WDR72: variants seen among roughly 807,000 people sequenced by gnomAD.
WDR72 encodes the protein WD repeat-containing protein 72.
In WDR72, 120 loss-of-function variants were observed where a neutral mutation model predicts 124.2. The observed-to-expected ratio is 0.97, with a 90% confidence interval of 0.83 to 1.12. WDR72 has a LOEUF of 1.12. Ranked by LOEUF, WDR72 falls within the 50% of genes most tolerant of loss-of-function variation. The pLI is 0.00. For synonymous variants in WDR72, 452 were observed against 441.7 expected (o/e 1.02, Z -0.29); for missense variants, 1,387 against 1,278.8 (o/e 1.08, Z -1.29).
rs183463074 is a variant in WDR72 at position 53,682,269 on chromosome 15, T to C, written c.1766-16501A>G. On this transcript the variant is annotated intron_variant, in intron 13 of 19. Transcript: ENST00000360509. ...ATAATTTCACCAAAGTGGAGATCCA[T>C]GTTCACCACATGGAACTAAAGACGA... is the stretch of plus-strand genomic sequence containing the variant. Among the ~76,000 whole-genome samples, 5 of 151,670 alleles carry C rather than the reference T, an allele frequency of 3.3e-5. No homozygotes were observed. In the East Asian group the frequency reaches 9.7e-4, roughly 29 times the overall value.
At chr15:53,680,823 TC>T (rs1448152640) in intron 13 of WDR72, among the ~76,000 whole-genome samples, 6 of 152,106 alleles carry the variant, frequency 3.9e-5, no homozygotes, top group African/African-American at 9.7e-5. Context: ...AGCATATGGG[TC>T]TCAGTGGAAT....
At chr15:53,544,009 G>T (rs925194739) in intron 18 of WDR72, among the ~76,000 whole-genome samples, 8 of 151,004 alleles carry the variant, frequency 5.3e-5, no homozygotes, top group African/African-American at 1.7e-4. Flanking sequence ...TGAAATTGTG[G>T]CAATAATCAA....
chr15:53,618,241 T>C (rs1030978345), intron 14 of WDR72, among the ~76,000 whole-genome samples: 1 of 151,996 alleles, frequency 6.6e-6, no homozygotes, highest in Admixed American at 6.6e-5. Flanking sequence ...CTTAAATATG[T>C]ATTCCTATTT....
At chr15:53,603,306 C>T (rs542129284) in intron 17 of WDR72, among the ~76,000 whole-genome samples, 1 of 152,146 alleles carries the variant, frequency 6.6e-6, no homozygotes, top group African/African-American at 2.4e-5. Context: ...GTTAAAAACT[C>T]TCAATAAAGA....
chr15:53,597,205 G>C lies in WDR72; in HGVS notation c.3022C>G (p.Pro1008Ala). The change falls in exon 18 of 20, where the codon CCC becomes GCC. Residue 1008 changes from proline (P) to alanine (A), a missense_variant. Transcript: ENST00000360509. ...ATGGACACTGGTTGACTATTGACGG[G>C]TATCTTTCCCAAACTCTTCATGTGT... ...QQHMKSLGKI[P>A]VNSQPVSMAE... 6.2e-7 allele frequency: 1 copy of C among 1,613,760 alleles called. No homozygotes were observed. Among genetic ancestry groups the C allele is most frequent in the Non-Finnish European group, 8.5e-7 (1 of 1,179,858 alleles).
intron 13 of WDR72, among the ~76,000 whole-genome samples, chr15:53,699,188 T>C (rs1440823789): frequency 6.6e-6 from 1 of 152,220 alleles, no homozygotes; most frequent in Non-Finnish European, 1.5e-5. Context: ...CAGCATTTTC[T>C]GGAATGTATT....
At chr15:53,683,332 G>A (rs2016467665) in intron 13 of WDR72, among the ~76,000 whole-genome samples, 1 of 152,082 alleles carries the variant, frequency 6.6e-6, no homozygotes, top group Non-Finnish European at 1.5e-5. Context: ...GTAGCTAGAA[G>A]AGATAATCTG....
upstream of WDR72, among the ~76,000 whole-genome samples, chr15:53,761,370 C>T (rs1345902094): frequency 3.3e-5 from 5 of 152,000 alleles, no homozygotes; most frequent in Non-Finnish European, 5.9e-5. Flanking sequence ...TTGTTGGTGG[C>T]AATATAAATA....
intron 14 of WDR72, among the ~76,000 whole-genome samples, chr15:53,646,830 A>C (rs1333545688): frequency 6.6e-6 from 1 of 152,178 alleles, no homozygotes; most frequent in African/African-American, 2.4e-5. Context: ...AAGGAAAGTA[A>C]GGTATGGCCA....
At chr15:53,744,306 C>T (rs1202153765) in intron 1 of WDR72, among the ~76,000 whole-genome samples, 1 of 152,106 alleles carries the variant, frequency 6.6e-6, no homozygotes, top group African/African-American at 2.4e-5. Context: ...CATTGAATTA[C>T]ATAAAACTTG....
At chr15:53,617,612 A>G (rs1036845833) in intron 14 of WDR72, among the ~76,000 whole-genome samples, 1 of 151,858 alleles carries the variant, frequency 6.6e-6, no homozygotes, top group African/African-American at 2.4e-5. Context: ...CAATAAGAAG[A>G]GGCTCTTACA....
At chr15:53,670,910 G>A (rs1391616833) in intron 13 of WDR72, among the ~76,000 whole-genome samples, 1 of 152,118 alleles carries the variant, frequency 6.6e-6, no homozygotes, top group Non-Finnish European at 1.5e-5. Flanking sequence ...AGGTCACTGG[G>A]CATATGGCCA....
intron 1 of WDR72, among the ~76,000 whole-genome samples, chr15:53,750,983 CA>C (rs1280643116): frequency 6.6e-6 from 1 of 152,092 alleles, no homozygotes; most frequent in Non-Finnish European, 1.5e-5. Context: ...GAAATGAAAA[CA>C]AAACATTCAG....
Position 53,705,171 on chromosome 15 carries a change from G to T in WDR72, c.1165C>A (p.Gln389Lys), listed in dbSNP as rs529813574. 1 of 1,613,980 alleles carries T rather than the reference G, an allele frequency of 6.2e-7. No homozygotes were observed. The highest frequency in any genetic ancestry group is 8.5e-7 in the Non-Finnish European group (1 of 1,179,990). ...DNFDKHDTMS[Q>K]SIIDYFSGLK... ...CCAGAGAAATAGTCAATAATACTTT[G>T]TGACATAGTATCATGCTTATCAAAA... Residue 389 changes from glutamine (Q) to lysine (K), a missense_variant, in exon 11 of 20, where the codon CAA becomes AAA. Coordinates refer to ENST00000360509, the MANE Select transcript of WDR72 (RefSeq NM_182758.4).
intron 18 of WDR72, among the ~76,000 whole-genome samples, chr15:53,546,624 C>T (rs1255107122): frequency 6.6e-6 from 1 of 151,928 alleles, no homozygotes; most frequent in Non-Finnish European, 1.5e-5. Context: ...TGTAACTAAC[C>T]TGCACAATGT....
At chr15:53,668,820 C>G (rs8031269) in intron 13 of WDR72, among the ~76,000 whole-genome samples, 135,647 of 149,820 alleles carry the variant, frequency 0.91, 62,510 homozygotes, top group Non-Finnish European at 0.99. Context: ...GTGGGAGGAT[C>G]ACTTGAGCCA....
chr15:53,720,803 T>C (rs963265630), intron 3 of WDR72, among the ~76,000 whole-genome samples: 1 of 152,214 alleles, frequency 6.6e-6, no homozygotes, highest in East Asian at 1.9e-4. Context: ...TTTATTTTCA[T>C]TATCCTAGAA....
At position 53,612,209 on chromosome 15, in the gene WDR72, G is replaced by A. The variant is rs559065010; in HGVS notation, c.2872+1457C>T. ...ATTGAACTCATCCACTAATTCAAAA[G>A]TTATTTGCTAATTCCTTCTAGATAT... On this transcript the variant is annotated intron_variant, in intron 16 of 19. Coordinates refer to ENST00000360509, the MANE Select transcript of WDR72 (RefSeq NM_182758.4). Among the ~76,000 whole-genome samples the A allele has an allele frequency of 2.0e-5, 3 of 152,202 alleles. No individual in the cohort carries two copies. In the South Asian group the frequency reaches 6.2e-4, roughly 32 times the overall value.
intron 13 of WDR72, among the ~76,000 whole-genome samples, chr15:53,673,149 A>C (rs62007961): frequency 0.22 from 33,673 of 150,254 alleles, 4,044 homozygotes; most frequent in East Asian, 0.45. Context: ...AGAAAAGAAA[A>C]GAAACTTGTT....
Sources: allele counts gnomAD v4.1 joint callset (sites outside exome capture counted in the v4.1 genomes callset), GRCh38; gene constraint gnomAD v4.1.1; transcripts MANE v1.5; gene names NCBI Gene and HGNC (gene_info 2026-07-23, HGNC 2026-07-21).